ACTR2: variants seen among roughly 807,000 people sequenced by gnomAD.
ACTR2 encodes the protein actin related protein 2.
Under a neutral mutation model 50.2 loss-of-function variants are expected in ACTR2, and 5 were observed. That is an observed-to-expected ratio of 0.10 (90% confidence interval 0.05 to 0.21). ACTR2 has a LOEUF of 0.21. Ranked by LOEUF, ACTR2 falls within the 10% of genes least tolerant of loss-of-function variation. The pLI is 1.00. For synonymous variants in ACTR2, 140 were observed against 162.9 expected (o/e 0.86, Z 1.07); for missense variants, 180 against 480.6 (o/e 0.37, Z 5.85).
At chr2:65,253,587 A>G in intron 4 of ACTR2, 141 bp from the exon 5 acceptor site, 2 of 834,960 alleles carry the variant, frequency 2.4e-6, no homozygotes, top group Non-Finnish European at 3.8e-6. Flanking sequence ...CATTAGAAAC[A>G]AACTGCAAAA....
intron 7 of ACTR2, among the ~76,000 whole-genome samples, chr2:65,263,963 G>A (rs961394308): frequency 6.6e-6 from 1 of 152,182 alleles, no homozygotes; most frequent in East Asian, 1.9e-4. Context: ...GCTGAGGCAG[G>A]AGAATGGCGT....
At chr2:65,242,732 T>A in intron 2 of ACTR2, 1 of 448,186 alleles carries the variant, frequency 2.2e-6, no homozygotes, top group Non-Finnish European at 4.4e-6. Flanking sequence ...TTGCTGGTCT[T>A]ATCTCAGACA....
intron 2 of ACTR2, among the ~76,000 whole-genome samples, chr2:65,241,222 CTG>C (rs1370579859): frequency 6.6e-6 from 1 of 152,046 alleles, no homozygotes. Flanking sequence ...TAAGGATAAA[CTG>C]TTTAATGAAG....
rs1672264377 is a variant in ACTR2, at chr2:65,261,357, T to C, written c.846T>C (p.Leu282=). The C allele has an allele frequency of 6.2e-7, 1 of 1,614,020 alleles. No individual in the cohort carries two copies. The highest frequency in any genetic ancestry group is 1.7e-5 in the Admixed American group (1 of 60,012). ...NVEGVGVAEL[L]FNTIQAADID... is the part of the protein sequence containing the mutation. ...AAGGAGTTGGTGTTGCTGAATTGCT[T>C]TTTAACACAATTCAGGCAGCTGACA... Residue 282 remains leucine, a synonymous_variant, in exon 7 of 9, where the codon CTT becomes CTC. Coordinates refer to ENST00000260641, the MANE Select transcript of ACTR2 (RefSeq NM_005722.4).
chr2:65,250,062 TCGAATTAAAAGATATTTCCCGGCCGG>T (rs987737246), intron 3 of ACTR2, among the ~76,000 whole-genome samples: 15 of 152,248 alleles, frequency 9.9e-5, no homozygotes, highest in African/African-American at 3.4e-4. Flanking sequence ...TATTTTGTCT[TCGAATTAAAAGATATTTCCCGGCCGG>T]GTGCGGTGGC....
In ACTR2 at chr2:65,267,619, G is replaced by A. The variant is rs183929822; in HGVS notation, c.1015-945G>A. Among the ~76,000 whole-genome samples the A allele has an allele frequency of 4.0e-3, 606 of 152,222 alleles. 3 individuals carry two copies. Among genetic ancestry groups the A allele is most frequent in the African/African-American group, 0.014 (583 of 41,534 alleles). On this transcript the variant is annotated intron_variant, in intron 8 of 8. Coordinates refer to ENST00000260641, the MANE Select transcript of ACTR2 (RefSeq NM_005722.4). ...ATGTGTCCTTCCTAGACACTTAATA[G>A]TAGCTACAGAGTATAAAACTTTTCC...
At chr2:65,260,852 C>G (rs1381977165) in intron 6 of ACTR2, among the ~76,000 whole-genome samples, 1 of 151,140 alleles carries the variant, frequency 6.6e-6, no homozygotes, top group African/African-American at 2.4e-5. Flanking sequence ...GCCTCAGCCT[C>G]CCCGAGTAGC....
chr2:65,260,220 T>G (rs906547283), intron 6 of ACTR2, among the ~76,000 whole-genome samples: 2 of 152,336 alleles, frequency 1.3e-5, no homozygotes, highest in Non-Finnish European at 2.9e-5. Flanking sequence ...TTAAAATGTT[T>G]AATGTGGCTA....
intron 1 of ACTR2, among the ~76,000 whole-genome samples, chr2:65,229,902 T>C (rs1671604137): frequency 6.6e-6 from 1 of 152,226 alleles, no homozygotes; most frequent in African/African-American, 2.4e-5. Flanking sequence ...TAAGTGTGTG[T>C]TCCTTATTAA....
chr2:65,238,834 G>C (rs1048888692), intron 1 of ACTR2, among the ~76,000 whole-genome samples: 1 of 151,960 alleles, frequency 6.6e-6, no homozygotes, highest in African/African-American at 2.4e-5. Context: ...TGGGCATGGT[G>C]GTGGGTGCCT....
rs768458921 is a variant in ACTR2, at chr2:65,268,529, A to C, written c.1015-35A>C. 3.1e-6 allele frequency: 5 copies of C among 1,592,826 alleles called. No individual in the cohort carries two copies. In the East Asian group the frequency reaches 1.1e-4, roughly 36 times the overall value. ...TCATAAAGCAGAAAGCACTGTGCAC[A>C]TGTACCATTTCATTATCCTTTCTTT... On this transcript the variant is annotated intron_variant, in intron 8 of 8. Transcript: ENST00000260641.
chr2:65,235,171 T>G (rs1410537378), intron 1 of ACTR2, among the ~76,000 whole-genome samples: 2 of 108,680 alleles, frequency 1.8e-5, no homozygotes, highest in Admixed American at 8.0e-5. Context: ...GTGTGAGAGG[T>G]GTGTGTGTGT....
chr2:65,270,637 G>A lies in ACTR2; in HGVS notation c.*1903G>A, dbSNP rs1672477209. ...CCTTTGGTCATAATTTTAAAATATG[G>A]GAGTAGAAAACAACAAAGAATGGAA... On this transcript the variant is annotated 3_prime_UTR_variant, in exon 9 of 9. Coordinates refer to ENST00000260641, the MANE Select transcript of ACTR2 (RefSeq NM_005722.4). The A allele has an allele frequency of 6.6e-6, 1 of 152,084 alleles. No individual in the cohort carries two copies. The highest frequency in any genetic ancestry group is 2.4e-5 in the African/African-American group (1 of 41,422). 9.4% of individuals were successfully genotyped at this position (152,084 alleles called of 1,614,324 possible). A position where few individuals can be genotyped will look rare whatever the true frequency, so the allele number is the denominator to read the frequency against.
intron 6 of ACTR2, among the ~76,000 whole-genome samples, chr2:65,258,966 C>CT (rs142547046): frequency 3.2e-4 from 47 of 148,812 alleles, no homozygotes; most frequent in Non-Finnish European, 4.9e-4. Flanking sequence ...TTTTGGTAAC[C>CT]TTTTTTTTTT....
chr2:65,243,330 A>T (rs570660407), intron 2 of ACTR2, among the ~76,000 whole-genome samples: 7 of 152,000 alleles, frequency 4.6e-5, no homozygotes, highest in Non-Finnish European at 8.8e-5. Flanking sequence ...GTGTAGGCTT[A>T]TTTTAACAGA....
intron 1 of ACTR2, among the ~76,000 whole-genome samples, chr2:65,234,686 T>G (rs1179148546): frequency 6.6e-6 from 1 of 152,204 alleles, no homozygotes; most frequent in Non-Finnish European, 1.5e-5. Context: ...GCCTCTTCCC[T>G]GCACTAGGAT....
intron 7 of ACTR2, 85 bp from the exon 8 acceptor site, chr2:65,264,958 C>A: frequency 6.7e-7 from 1 of 1,494,788 alleles, no homozygotes; most frequent in Non-Finnish European, 9.2e-7. Context: ...CCCAGCAACC[C>A]CGAGGCTGAC....
chr2:65,261,529 C>A (rs941690031), intron 7 of ACTR2, 137 bp downstream of exon 7: 1 of 916,654 alleles, frequency 1.1e-6, no homozygotes, highest in African/African-American at 1.7e-5. Context: ...TTCAGACTTA[C>A]GGAAAGGTTG....
intron 2 of ACTR2, chr2:65,242,048 G>T (rs372909860): frequency 1.2e-6 from 2 of 1,608,388 alleles, no homozygotes; most frequent in Non-Finnish European, 1.7e-6. Flanking sequence ...CGTTGAAGTA[G>T]AATAACAAAA....
Sources: allele counts gnomAD v4.1 joint callset (sites outside exome capture counted in the v4.1 genomes callset), GRCh38; gene constraint gnomAD v4.1.1; transcripts MANE v1.5; gene names NCBI Gene and HGNC (gene_info 2026-07-23, HGNC 2026-07-21).